The following FBRSL1 variants were observed in gnomAD, a reference collection of about 807,000 sequenced individuals.
FBRSL1 encodes the protein fibrosin like 1.
In FBRSL1, 51 loss-of-function variants were observed where a neutral mutation model predicts 89.6. The ratio of observed to expected loss-of-function variants is 0.57; its 90% CI spans 0.45 to 0.72. The LOEUF is 0.72. Ranked by LOEUF, FBRSL1 falls within the 30% of genes least tolerant of loss-of-function variation. The pLI, the probability that FBRSL1 is intolerant of heterozygous loss-of-function variation, is 0.00. For synonymous variants in FBRSL1, 779 were observed against 681.1 expected (o/e 1.14, Z -2.24); for missense variants, 1,618 against 1,451.8 (o/e 1.11, Z -1.86).
chr12:132,512,119 G>A (rs537459329), intron 2 of FBRSL1, among the ~76,000 whole-genome samples: 8 of 152,172 alleles, frequency 5.3e-5, no homozygotes, highest in African/African-American at 1.9e-4. Flanking sequence ...CTGAGGCCTG[G>A]AATGGGGGTT....
intron 4 of FBRSL1, among the ~76,000 whole-genome samples, chr12:132,541,372 C>T (rs1396015359): frequency 6.6e-6 from 1 of 152,236 alleles, no homozygotes; most frequent in East Asian, 1.9e-4. Flanking sequence ...CCTGCAGCTC[C>T]AGCACCCACA....
At chr12:132,541,302 ATT>A (rs2037249144) in intron 4 of FBRSL1, among the ~76,000 whole-genome samples, 1 of 152,294 alleles carries the variant, frequency 6.6e-6, no homozygotes, top group Admixed American at 6.5e-5. Context: ...CCACCCATCC[ATT>A]CTATGCCAGT....
At chr12:132,517,093 C>T (rs2136755674) in intron 2 of FBRSL1, among the ~76,000 whole-genome samples, 1 of 152,380 alleles carries the variant, frequency 6.6e-6, no homozygotes, top group Non-Finnish European at 1.5e-5. Flanking sequence ...AAGGGTCCTC[C>T]TGTGCAGGGC....
intron 1 of FBRSL1, among the ~76,000 whole-genome samples, chr12:132,502,391 G>A (rs768029568): frequency 3.9e-5 from 6 of 152,212 alleles, no homozygotes; most frequent in African/African-American, 7.2e-5. Flanking sequence ...GGAATCCTGC[G>A]GAAGGCCTTT....
In FBRSL1 at chr12:132,574,140, C is replaced by G; in HGVS notation, c.1581C>G (p.Leu527=). 7.1e-7 allele frequency: 1 copy of G among 1,414,436 alleles called. No individual in the cohort carries two copies. Among genetic ancestry groups the G allele is most frequent in the East Asian group, 2.6e-5 (1 of 37,954 alleles). The allele number at this position is 1,414,436 out of a possible 1,614,324, so 87.6% of individuals were successfully genotyped here. ...GCCGGGCTGGTGCGGTTCACACACT[C>G]CTGCAGAAAGCGCCTGGGGTAGGTG... The part of the protein sequence containing the change: ...VARRAGAVHT[L]LQKAPGVSDP... Residue 527 remains leucine (L), a synonymous_variant, in exon 12 of 19, where the codon CTC becomes CTG. Transcript: ENST00000680143.
rs866543222 is a variant in FBRSL1, at chr12:132,527,966, C to T, written c.593C>T (p.Ala198Val). Residue 198 changes from alanine (A) to valine (V), a missense_variant, in exon 4 of 19, where the codon GCG becomes GTG. Ala to Val is a moderately conservative substitution (Grantham distance 64). Coordinates refer to ENST00000680143, the MANE Select transcript of FBRSL1 (RefSeq NM_001367871.1). ...TCCTTCCTGCAGAGCTCTGCGCATG[C>T]GGTCTCGGGGAGAGGCTACTCTGTA... ...RDPLSDSSAH[A>V]VSGRGYSCDS... The T allele has an allele frequency of 1.2e-5, 18 of 1,551,254 alleles. No homozygotes were observed. The African/African-American group carries it at 1.5e-4, about 13-fold the overall frequency.
intron 15 of FBRSL1, among the ~76,000 whole-genome samples, chr12:132,577,624 G>A (rs367983611): frequency 3.3e-5 from 5 of 151,282 alleles, no homozygotes; most frequent in Non-Finnish European, 7.4e-5. Context: ...CCACTCCCCC[G>A]AGTCACCCCC....
intron 2 of FBRSL1, chr12:132,510,628 A>G: frequency 8.1e-7 from 1 of 1,230,434 alleles, no homozygotes; most frequent in Non-Finnish European, 1.0e-6. Flanking sequence ...GCTCGGCCAG[A>G]GGCGGGAGCC....
intron 4 of FBRSL1, among the ~76,000 whole-genome samples, chr12:132,538,757 AGTGCTTTGTT>A (rs760835095): frequency 1.3e-5 from 2 of 152,232 alleles, no homozygotes; most frequent in African/African-American, 2.4e-5. Context: ...TTGGGTAATT[AGTGCTTTGTT>A]GTGCTTTGAA....
chr12:132,550,228 C>T (rs573545344), intron 5 of FBRSL1, among the ~76,000 whole-genome samples: 4 of 152,116 alleles, frequency 2.6e-5, no homozygotes, highest in South Asian at 2.1e-4. Context: ...CTGCGGAGGA[C>T]GGCAGGGGAG....
intron 5 of FBRSL1, among the ~76,000 whole-genome samples, chr12:132,562,785 A>G (rs7970285): frequency 0.53 from 79,870 of 151,700 alleles, 22,256 homozygotes; most frequent in East Asian, 0.85. Context: ...TCTTACAGGC[A>G]TGGACCTGCT....
At chr12:132,582,536 T>C (rs1342570479) in intron 18 of FBRSL1, among the ~76,000 whole-genome samples, 1 of 151,316 alleles carries the variant, frequency 6.6e-6, no homozygotes, top group Non-Finnish European at 1.5e-5. Context: ...GACTCCTCCC[T>C]GCGGTGGGGA....
At chr12:132,564,562 C>A (rs1383674249) in intron 5 of FBRSL1, among the ~76,000 whole-genome samples, 1 of 108,136 alleles carries the variant, frequency 9.2e-6, no homozygotes. Context: ...GTGGTACGAT[C>A]TCAGCTCACT....
intron 16 of FBRSL1, 88 bp from the exon 17 acceptor site, chr12:132,581,653 C>G: frequency 6.7e-7 from 1 of 1,497,422 alleles, no homozygotes; most frequent in Non-Finnish European, 9.1e-7. Flanking sequence ...CCACCAGGCC[C>G]AAAGCCTCTA....
In FBRSL1 at chr12:132,583,044, C is replaced by T. The variant is rs1325058541; in HGVS notation, c.2275C>T (p.Leu759Phe). Residue 759 changes from leucine (L) to phenylalanine (F), a missense_variant, in exon 19 of 19, where the codon CTC becomes TTC. By Grantham distance (22) the Leu-to-Phe change is conservative (BLOSUM62 0). Transcript: ENST00000680143. ...ATPAGHPVSGLLLRAQSELGR... is the reference protein window; with the variant it reads ...ATPAGHPVSGFLLRAQSELGR... Reference sequence around the variant, plus strand: ...CCCCGCTGGCCACCCCGTCAGCGGCCTCCTGCTCCGGGCCCAGAGCGAGCT... The same window carrying T: ...CCCCGCTGGCCACCCCGTCAGCGGCTTCCTGCTCCGGGCCCAGAGCGAGCT... 8.3e-6 allele frequency: 12 copies of T among 1,454,010 alleles called. No homozygotes were observed. Among genetic ancestry groups the T allele is most frequent in the African/African-American group, 6.0e-5 (4 of 66,936 alleles). 90.1% of individuals were successfully genotyped at this position (1,454,010 alleles called of 1,614,324 possible). A position where few individuals can be genotyped will look rare whatever the true frequency, so the allele number is the denominator to read the frequency against.
chr12:132,577,018 G>C (rs1405159696), intron 15 of FBRSL1, 87 bp downstream of exon 15: 1 of 1,479,346 alleles, frequency 6.8e-7, no homozygotes, highest in East Asian at 2.5e-5. Context: ...AGGAGTGAGA[G>C]CGCTCTCTGG....
chr12:132,497,043 TTCGGA>T (rs1324840805), intron 1 of FBRSL1, among the ~76,000 whole-genome samples: 20 of 150,782 alleles, frequency 1.3e-4, no homozygotes, highest in African/African-American at 4.6e-4. Flanking sequence ...TTGCCGACGG[TTCGGA>T]TTTTTGCCAC....
intron 1 of FBRSL1, among the ~76,000 whole-genome samples, chr12:132,502,506 C>T (rs980109329): frequency 1.3e-5 from 2 of 152,152 alleles, no homozygotes; most frequent in African/African-American, 4.8e-5. Flanking sequence ...GGACTGACCT[C>T]CAGGCCTGGC....
At chr12:132,534,048 C>T (rs189470671) in intron 4 of FBRSL1, among the ~76,000 whole-genome samples, 20 of 152,258 alleles carry the variant, frequency 1.3e-4, no homozygotes, top group Non-Finnish European at 2.6e-4. Context: ...GTACCACTAT[C>T]CCCCACCACC....
Sources: gnomAD v4.1 joint callset for allele counts (sites outside exome capture counted in the v4.1 genomes callset) on GRCh38, gnomAD v4.1.1 for gene constraint, MANE v1.5 for transcripts, NCBI Gene and HGNC (gene_info 2026-07-23, HGNC 2026-07-21) for gene names.